AXIN1: variants seen among roughly 807,000 people sequenced by gnomAD.
AXIN1 encodes axin 1.
In AXIN1, 30 loss-of-function variants were observed where a neutral mutation model predicts 76.4. The observed-to-expected ratio is 0.39, with a 90% confidence interval of 0.29 to 0.53. The LOEUF is 0.53. AXIN1 is among the 20% of genes least tolerant of loss of function. AXIN1 has a pLI of 0.66. For missense variants in AXIN1, 1,140 were observed against 1,198.8 expected (o/e 0.95, Z 0.72); for synonymous variants, 545 against 501.4 (o/e 1.09, Z -1.16).
intron 5 of AXIN1, among the ~76,000 whole-genome samples, chr16:300,145 T>C (rs970335710): frequency 9.9e-5 from 15 of 151,982 alleles, no homozygotes. Flanking sequence ...TTTCACCCTG[T>C]TTGCCAGGCT....
chr16:336,051 A>G (rs1423151131), intron 2 of AXIN1, among the ~76,000 whole-genome samples: 6 of 152,174 alleles, frequency 3.9e-5, no homozygotes, highest in Admixed American at 1.3e-4. Flanking sequence ...CCTGGCCAAC[A>G]TGGTAAAACC....
At chr16:298,383 C>G in intron 5 of AXIN1, 132 bp from the exon 6 acceptor site, 1 of 1,124,652 alleles carries the variant, frequency 8.9e-7, no homozygotes, top group Non-Finnish European at 1.3e-6. Flanking sequence ...GGCCCCTCGC[C>G]ACCGGTCCTG....
At chr16:325,179 C>T (rs1055110945) in intron 2 of AXIN1, among the ~76,000 whole-genome samples, 3 of 152,224 alleles carry the variant, frequency 2.0e-5, no homozygotes, top group Non-Finnish European at 1.5e-5. Flanking sequence ...AAACCATCGC[C>T]TCAGCCCACA....
intron 10 of AXIN1, 25 bp downstream of exon 10, chr16:289,415 G>T (rs387467): frequency 0.2 from 321,781 of 1,611,678 alleles, 34,852 homozygotes; most frequent in African/African-American, 0.35. Flanking sequence ...GTGCGGGGAG[G>T]GGGCACCCCA....
At position 337,149 on chromosome 16, in the gene AXIN1, CAAAAAAAAAAAAAAAA is replaced by C. The variant is rs398028563; in HGVS notation, c.878+8983_878+8998del. Among the ~76,000 whole-genome samples the C allele has an allele frequency of 7.0e-3, 215 of 30,594 alleles. 1 individual carries two copies. Among genetic ancestry groups the C allele is most frequent in the Non-Finnish European group, 0.012 (186 of 15,000 alleles). 20.1% of individuals were successfully genotyped at this position (30,594 alleles called of 152,430 possible). A position where few individuals can be genotyped will look rare whatever the true frequency, so the allele number is the denominator to read the frequency against. Reference sequence around the variant, plus strand: ...TGGGTGACAGAGCAAGACCCCGTCTCAAAAAAAAAAAAAAAAAAAAAAAAAAAAGACACATTTACGT... The same window carrying C: ...TGGGTGACAGAGCAAGACCCCGTCTCAAAAAAAAAAAAGACACATTTACGT... On this transcript the variant is annotated intron_variant, in intron 2 of 10. Coordinates refer to ENST00000262320, the MANE Select transcript of AXIN1 (RefSeq NM_003502.4).
At chr16:348,249 T>C (rs1200974210) in intron 1 of AXIN1, among the ~76,000 whole-genome samples, 1 of 152,192 alleles carries the variant, frequency 6.6e-6, no homozygotes, top group Non-Finnish European at 1.5e-5. Context: ...CAGCCTGCCA[T>C]GATGTAAGTG....
rs1484528411 is a variant in AXIN1, at chr16:297,847, C to T, written c.1659G>A (p.Glu553=). Residue 553 remains glutamate, a synonymous_variant, in exon 6 of 11, where the codon GAG becomes GAA. Coordinates refer to ENST00000262320, the MANE Select transcript of AXIN1 (RefSeq NM_003502.4). The stretch of plus-strand genomic sequence containing the variant: ...AGCTGCTCTGGGCCCTGCGGGTGGC[C>T]TCGGCCTCCACCTGCTCCTTGGGCC... ...TARPKEQVEA[E]ATRRAQSSFA... The T allele has an allele frequency of 5.1e-6, 8 of 1,577,916 alleles. No homozygotes were observed. The Admixed American group carries it at 8.6e-5, about 17-fold the overall frequency.
intron 5 of AXIN1, among the ~76,000 whole-genome samples, chr16:302,196 C>T (rs903338512): frequency 9.9e-5 from 15 of 152,230 alleles, no homozygotes; most frequent in Non-Finnish European, 1.9e-4. Context: ...CTGCTCCTGC[C>T]AGCCCTGCGG....
At chr16:310,112 G>C (rs761401617) in intron 3 of AXIN1, 43 bp from the exon 4 acceptor site, 1 of 1,557,916 alleles carries the variant, frequency 6.4e-7, no homozygotes, top group South Asian at 1.2e-5. Context: ...GAGAGGAGCA[G>C]GAGGGCCAGC....
chr16:305,250 T>C (rs1344988741), intron 4 of AXIN1, among the ~76,000 whole-genome samples: 1 of 152,196 alleles, frequency 6.6e-6, no homozygotes, highest in African/African-American at 2.4e-5. Context: ...AGCAGATTAC[T>C]TGAGCCCAGA....
chr16:292,185 A>T (rs912635440), intron 8 of AXIN1: 1 of 152,302 alleles, frequency 6.6e-6, no homozygotes, highest in African/African-American at 2.4e-5. Context: ...GCTGCACACG[A>T]TGCCCACCAC....
At chr16:333,254 C>T (rs1299356166) in intron 2 of AXIN1, among the ~76,000 whole-genome samples, 2 of 151,902 alleles carry the variant, frequency 1.3e-5, no homozygotes, top group East Asian at 3.9e-4. Context: ...ATTGCTTGAA[C>T]CCGGGAGGCA....
rs2053017600 is a variant in AXIN1 at position 306,132 on chromosome 16, C to G, written c.1117-1691G>C. Among the ~76,000 whole-genome samples the G allele has an allele frequency of 2.0e-5, 3 of 152,068 alleles. No individual in the cohort carries two copies. The South Asian group carries it at 6.2e-4, about 31-fold the overall frequency. ...GCAGGCACATGCGTACACACACATG[C>G]CCACACATGCGCAGGCACACACACC... On this transcript the variant is annotated intron_variant, in intron 4 of 10. Coordinates refer to ENST00000262320, the MANE Select transcript of AXIN1 (RefSeq NM_003502.4).
chr16:322,186 C>T (rs985332432), intron 2 of AXIN1, among the ~76,000 whole-genome samples: 1 of 152,198 alleles, frequency 6.6e-6, no homozygotes, highest in Non-Finnish European at 1.5e-5. Context: ...GTGCTTCTCC[C>T]AGGCCTGGCT....
At chr16:299,365 T>C (rs1046894398) in intron 5 of AXIN1, among the ~76,000 whole-genome samples, 1 of 152,236 alleles carries the variant, frequency 6.6e-6, no homozygotes, top group Non-Finnish European at 1.5e-5. Context: ...TATGTATTTA[T>C]TTATTTAGAG....
chr16:310,244 G>A (rs2053140351), intron 3 of AXIN1, among the ~76,000 whole-genome samples, 175 bp from the exon 4 acceptor site: 1 of 152,258 alleles, frequency 6.6e-6, no homozygotes, highest in South Asian at 2.1e-4. Flanking sequence ...TGTGCACAGG[G>A]GAACATGTAC....
At chr16:313,739 G>C (rs1282068109) in intron 3 of AXIN1, among the ~76,000 whole-genome samples, 1 of 152,258 alleles carries the variant, frequency 6.6e-6, no homozygotes, top group East Asian at 1.9e-4. Context: ...ACTGCAACAA[G>C]ACTGTTGGCA....
At chr16:309,831 T>A (rs1197345618) in intron 4 of AXIN1, 142 bp downstream of exon 4, 3 of 785,990 alleles carry the variant, frequency 3.8e-6, no homozygotes, top group Middle Eastern at 3.4e-4. Flanking sequence ...CACTTGCAGA[T>A]GTTGCTGGGA....
chr16:330,258 C>T (rs1379906173), intron 2 of AXIN1, among the ~76,000 whole-genome samples: 1 of 151,832 alleles, frequency 6.6e-6, no homozygotes, highest in Non-Finnish European at 1.5e-5. Flanking sequence ...AGATGGGGGT[C>T]TCCCTATGTT....
Sources: allele counts gnomAD v4.1 joint callset (sites outside exome capture counted in the v4.1 genomes callset), GRCh38; gene constraint gnomAD v4.1.1; transcripts MANE v1.5; gene names NCBI Gene and HGNC (gene_info 2026-07-23, HGNC 2026-07-21).